The following COL28A1 variants were observed in gnomAD, a reference collection of about 807,000 sequenced individuals.
COL28A1 encodes collagen type XXVIII alpha 1 chain.
Under a neutral mutation model 150.2 loss-of-function variants are expected in COL28A1, and 161 were observed. The ratio of observed to expected loss-of-function variants is 1.07; its 90% CI spans 0.94 to 1.22. COL28A1 has a LOEUF of 1.22. COL28A1 is among the 50% of genes most tolerant of loss of function. COL28A1 has a pLI of 0.00. For synonymous variants in COL28A1, 552 were observed against 469.7 expected (o/e 1.18, Z -2.26); for missense variants, 1,617 against 1,388.3 (o/e 1.16, Z -2.62).
At chr7:7,473,933 AATAT>A (rs1788653071) in intron 15 of COL28A1, among the ~76,000 whole-genome samples, 1 of 149,448 alleles carries the variant, frequency 6.7e-6, no homozygotes, top group Admixed American at 6.7e-5. Flanking sequence ...TATATGATGG[AATAT>A]ATATACTGTA....
chr7:7,482,028 T>A (rs1014921174), intron 13 of COL28A1, among the ~76,000 whole-genome samples: 2 of 152,196 alleles, frequency 1.3e-5, no homozygotes, highest in African/African-American at 4.8e-5. Flanking sequence ...AGATGACAGA[T>A]GACAGTTCAA....
At chr7:7,504,218 C>T (rs1288023900) in intron 11 of COL28A1, among the ~76,000 whole-genome samples, 1 of 152,064 alleles carries the variant, frequency 6.6e-6, no homozygotes, top group Non-Finnish European at 1.5e-5. Context: ...AGAGTTGAGC[C>T]AGGTATGGTG....
At chr7:7,530,284 G>A (rs2115251077) in intron 3 of COL28A1, among the ~76,000 whole-genome samples, 1 of 152,280 alleles carries the variant, frequency 6.6e-6, no homozygotes, top group Admixed American at 6.5e-5. Context: ...AATACAGAGA[G>A]AGTACTCAAT....
At position 7,373,511 on chromosome 7, in the gene COL28A1, G is replaced by A; in HGVS notation, c.2395C>T (p.Leu799=). 6.2e-7 allele frequency: 1 copy of A among 1,613,498 alleles called. No individual in the cohort carries two copies. The highest frequency in any genetic ancestry group is 1.1e-5 in the South Asian group (1 of 91,070). Residue 799 remains leucine, a synonymous_variant, in exon 32 of 35, where the codon CTG becomes TTG. Transcript: ENST00000399429. This position sits in a 1 kb window ranked among gnomAD's most constrained non-coding sequence, Gnocchi z 4.1. ...GPKCKETPLE[L]VFVIDSSESV... is the part of the protein sequence containing the mutation. ...TCTGAGCTGTCGATCACAAACACCA[G>A]CTCTAGTGGAGTCTCTTTGCATTTG...
intron 23 of COL28A1, among the ~76,000 whole-genome samples, chr7:7,434,489 T>C (rs760354704): frequency 7.9e-5 from 12 of 152,226 alleles, no homozygotes; most frequent in Non-Finnish European, 1.6e-4. Flanking sequence ...GCTCCCCGGT[T>C]GAATTAAAAG....
intron 2 of COL28A1, among the ~76,000 whole-genome samples, chr7:7,532,396 T>G (rs761241083): frequency 1.3e-5 from 2 of 152,080 alleles, no homozygotes; most frequent in Non-Finnish European, 2.9e-5. Flanking sequence ...AACTTAAGTT[T>G]AAATCCCAGC....
At chr7:7,457,481 G>C (rs895505848) in intron 15 of COL28A1, among the ~76,000 whole-genome samples, 6 of 152,152 alleles carry the variant, frequency 3.9e-5, no homozygotes, top group African/African-American at 1.4e-4. Flanking sequence ...CAGGAGTTCA[G>C]TTTTGGACAT....
upstream of COL28A1, among the ~76,000 whole-genome samples, chr7:7,538,380 G>A (rs990644055): frequency 6.6e-6 from 1 of 152,030 alleles, no homozygotes; most frequent in African/African-American, 2.4e-5. Flanking sequence ...AAGAAATATA[G>A]CACACTATTT....
At chr7:7,389,652 TTG>T in intron 27 of COL28A1, among the ~76,000 whole-genome samples, 1 of 152,322 alleles carries the variant, frequency 6.6e-6, no homozygotes, top group Non-Finnish European at 1.5e-5. Flanking sequence ...TTCCATTTGT[TTG>T]TGTCTTCTCT....
rs989343888 is a variant in COL28A1 at position 7,390,298 on chromosome 7, T to G, written c.2137-8686A>C. Among the ~76,000 whole-genome samples, 6 of 152,310 alleles carry G rather than the reference T, an allele frequency of 3.9e-5. No homozygotes were observed. The East Asian group carries it at 9.6e-4, about 24-fold the overall frequency. ...TGTTTAGGTGGTGGATTATGTTACT[T>G]GATTTGCGTATGTTGAACCAGCCTT... On this transcript the variant is annotated intron_variant, in intron 27 of 34. Coordinates refer to ENST00000399429, the MANE Select transcript of COL28A1 (RefSeq NM_001037763.3).
rs1335292843 is a variant in COL28A1 at position 7,437,409 on chromosome 7, T to C, written c.1776A>G (p.Gly592=). 1.2e-6 allele frequency: 2 copies of C among 1,613,350 alleles called. No individual in the cohort carries two copies. Among genetic ancestry groups the C allele is most frequent in the Non-Finnish European group, 1.7e-6 (2 of 1,179,780 alleles). The change falls in exon 22 of 35, where the codon GGA becomes GGG. Residue 592 remains glycine (G), a synonymous_variant. Coordinates refer to ENST00000399429, the MANE Select transcript of COL28A1 (RefSeq NM_001037763.3). ...GAATATATACCTTTGGCCCAGGTGG[T>C]CCAGGAATTGATGTTCCAGGCATTC... is the stretch of plus-strand genomic sequence containing the variant. ...PFGMPGTSIP[G]PPGPKGDRGG...
intron 27 of COL28A1, among the ~76,000 whole-genome samples, chr7:7,409,069 A>C (rs1238046248): frequency 6.6e-6 from 1 of 152,116 alleles, no homozygotes; most frequent in African/African-American, 2.4e-5. Flanking sequence ...CTTGAATAAA[A>C]TAATACATCA....
intron 1 of COL28A1, among the ~76,000 whole-genome samples, chr7:7,533,960 T>C (rs1449025707): frequency 6.6e-6 from 1 of 152,182 alleles, no homozygotes; most frequent in Admixed American, 6.6e-5. Context: ...ACCTTGCCTT[T>C]AGGGGATAAG....
At chr7:7,534,873 T>G (rs142087872) in intron 1 of COL28A1, among the ~76,000 whole-genome samples, 1 of 152,258 alleles carries the variant, frequency 6.6e-6, no homozygotes, top group African/African-American at 2.4e-5. Flanking sequence ...CAAAGTCTTG[T>G]TATTTCTTTC....
intron 8 of COL28A1, chr7:7,511,691 G>C (rs1449682196): frequency 2.1e-6 from 1 of 468,086 alleles, no homozygotes; most frequent in African/African-American, 2.0e-5. Context: ...AACCGTGAGA[G>C]AAAGGTTCTG....
At chr7:7,472,853 C>T (rs754656475) in intron 15 of COL28A1, among the ~76,000 whole-genome samples, 2 of 152,078 alleles carry the variant, frequency 1.3e-5, no homozygotes, top group African/African-American at 2.4e-5. Flanking sequence ...GAATAAAGAA[C>T]CCAGAAATAA....
chr7:7,437,147 G>C (rs773075837), intron 22 of COL28A1, among the ~76,000 whole-genome samples: 15 of 152,166 alleles, frequency 9.9e-5, no homozygotes, highest in Non-Finnish European at 1.8e-4. Flanking sequence ...ACCTGCATTA[G>C]GGTTTAGGAT....
chr7:7,379,031 A>G (rs1324251881), intron 30 of COL28A1, among the ~76,000 whole-genome samples: 1 of 152,096 alleles, frequency 6.6e-6, no homozygotes, highest in Non-Finnish European at 1.5e-5. Flanking sequence ...AGCTCTCCAA[A>G]CCTGTGGCCA....
At position 7,458,818 on chromosome 7, in the gene COL28A1, GCC is replaced by G. The variant is rs760809059; in HGVS notation, c.1303-2708_1303-2707del. Among the ~76,000 whole-genome samples, 708 of 152,300 alleles carry G rather than the reference GCC, an allele frequency of 4.6e-3. 5 individuals carry two copies. Among genetic ancestry groups the G allele is most frequent in the East Asian group, 0.022 (115 of 5,184 alleles). On this transcript the variant is annotated intron_variant, in intron 15 of 34. Coordinates refer to ENST00000399429, the MANE Select transcript of COL28A1 (RefSeq NM_001037763.3). ...AGGTGACAGTCAAGTCCAACTCATA[GCC>G]ACTAGCCAAAACCCAACTCATAGCC...
Sources: gnomAD v4.1 joint callset for allele counts (sites outside exome capture counted in the v4.1 genomes callset) on GRCh38, gnomAD v4.1.1 for gene constraint, Gnocchi (gnomAD v3.1) non-coding constraint, MANE v1.5 for transcripts, NCBI Gene and HGNC (gene_info 2026-07-23, HGNC 2026-07-21) for gene names.